The following ALMS1 variants were observed in gnomAD, a reference collection of about 807,000 sequenced individuals.
ALMS1 encodes centrosome-associated protein ALMS1.
ALMS1 carries 271 observed loss-of-function variants against 352.2 expected under a neutral mutation model. The observed-to-expected ratio is 0.77, with a 90% CI of 0.70 to 0.85. The LOEUF (loss-of-function observed/expected upper bound fraction) is 0.85. ALMS1 is among the 40% of genes least tolerant of loss of function. The pLI is 0.00. For synonymous variants in ALMS1, 1,865 were observed against 1,761.2 expected (o/e 1.06, Z -1.48); for missense variants, 5,445 against 4,870.7 (o/e 1.12, Z -3.51).
At chr2:73,460,418 G>T (rs1672164821) in intron 9 of ALMS1, among the ~76,000 whole-genome samples, 1 of 152,098 alleles carries the variant, frequency 6.6e-6, no homozygotes, top group African/African-American at 2.4e-5. Context: ...AATGATTTTA[G>T]ACAAAAACAG....
intron 11 of ALMS1, 35 bp downstream of exon 11, chr2:73,520,051 C>G (rs769163667): frequency 8.1e-6 from 13 of 1,613,418 alleles, no homozygotes. Flanking sequence ...GATTGTTAGA[C>G]CAGCTCTTTT....
Position 73,519,976 on chromosome 2 carries a change from A to G in ALMS1, c.9741A>G (p.Ser3247=), listed in dbSNP as rs370844317. The G allele has an allele frequency of 3.0e-4, 478 of 1,614,124 alleles. No homozygotes were observed. Among genetic ancestry groups the G allele is most frequent in the Non-Finnish European group, 3.8e-4 (453 of 1,179,964 alleles). Residue 3247 remains serine (S), a synonymous_variant, in exon 11 of 23, where the codon TCA becomes TCG. Transcript: ENST00000613296. ...LRKAPVKFAS[S]SSVQQVTFSR... ...AAGCTCCTGTCAAGTTTGCCTCATCATCTTCAGTCCAACAGGTTACTTTTT... is the reference window on the plus strand; with the variant it reads ...AAGCTCCTGTCAAGTTTGCCTCATCGTCTTCAGTCCAACAGGTTACTTTTT...
intron 1 of ALMS1, among the ~76,000 whole-genome samples, chr2:73,393,210 A>G (rs1456040928): frequency 6.6e-6 from 1 of 152,192 alleles, no homozygotes; most frequent in African/African-American, 2.4e-5. Flanking sequence ...CTTATCAATC[A>G]AGGGATTGAC....
chr2:73,491,132 A>G lies in ALMS1; in HGVS notation c.9173A>G (p.Lys3058Arg), dbSNP rs149329669. 23 of 1,614,004 alleles carry G rather than the reference A, an allele frequency of 1.4e-5. No individual in the cohort carries two copies. In the African/African-American group the frequency reaches 1.7e-4, roughly 12 times the overall value. Residue 3058 changes from lysine (K) to arginine (R), a missense_variant, in exon 10 of 23, where the codon AAG becomes AGG. Lys to Arg is a conservative substitution (Grantham distance 26). Coordinates refer to ENST00000613296, the MANE Select transcript of ALMS1 (RefSeq NM_001378454.1). ...ACTCTTTGTCCCAAGACTTCTTCCA[A>G]GTTGGATAGTGGAACTTTAGATGAA... ...HITLCPKTSS[K>R]LDSGTLDERF...
At chr2:73,591,054 C>A (rs529381504) in intron 16 of ALMS1, among the ~76,000 whole-genome samples, 1 of 152,202 alleles carries the variant, frequency 6.6e-6, no homozygotes, top group East Asian at 1.9e-4. Context: ...AACCAATCTT[C>A]CCACCTAAGC....
chr2:73,550,175 A>G (rs1308012006), intron 12 of ALMS1, 92 bp from the exon 13 acceptor site: 10 of 1,405,594 alleles, frequency 7.1e-6, no homozygotes, highest in African/African-American at 1.4e-5. Flanking sequence ...TGCTTTTTTC[A>G]TAGAATTGGT....
chr2:73,488,528 C>A (rs1261835610), intron 9 of ALMS1, among the ~76,000 whole-genome samples: 1 of 152,144 alleles, frequency 6.6e-6, no homozygotes, highest in Non-Finnish European at 1.5e-5. Context: ...CAGCTGTGCC[C>A]AGGAGGGTGG....
intron 4 of ALMS1, among the ~76,000 whole-genome samples, chr2:73,424,033 C>T (rs1463786057): frequency 6.6e-6 from 1 of 152,188 alleles, no homozygotes; most frequent in African/African-American, 2.4e-5. Flanking sequence ...CTGCCTCAGC[C>T]TCCCAGAGTG....
chr2:73,457,596 AG>A (rs1247766148), intron 9 of ALMS1, among the ~76,000 whole-genome samples: 1 of 152,138 alleles, frequency 6.6e-6, no homozygotes, highest in Non-Finnish European at 1.5e-5. Flanking sequence ...TCAGTGTTCA[AG>A]CCTATTGGAA....
At chr2:73,443,014 A>G (rs535738055) in intron 7 of ALMS1, among the ~76,000 whole-genome samples, 2 of 152,216 alleles carry the variant, frequency 1.3e-5, no homozygotes, top group East Asian at 3.9e-4. Context: ...TTTCACCCTC[A>G]TCCCTGCCCA....
At chr2:73,524,199 T>C (rs1381281144) in intron 11 of ALMS1, among the ~76,000 whole-genome samples, 1 of 152,242 alleles carries the variant, frequency 6.6e-6, no homozygotes, top group Non-Finnish European at 1.5e-5. Flanking sequence ...AAATTTATAC[T>C]CTAAAGTAAT....
At chr2:73,519,497 A>T (rs1017299742) in intron 10 of ALMS1, among the ~76,000 whole-genome samples, 3 of 152,158 alleles carry the variant, frequency 2.0e-5, no homozygotes, top group African/African-American at 7.2e-5. Flanking sequence ...TGTATTTTCA[A>T]TTCAGCTGAA....
At chr2:73,494,670 A>C (rs971681083) in intron 10 of ALMS1, among the ~76,000 whole-genome samples, 2 of 152,180 alleles carry the variant, frequency 1.3e-5, no homozygotes, top group Non-Finnish European at 2.9e-5. Context: ...TTGATGGTTC[A>C]AGGTTAGATT....
intron 16 of ALMS1, among the ~76,000 whole-genome samples, chr2:73,589,210 G>T (rs1310754631): frequency 8.4e-6 from 1 of 119,326 alleles, no homozygotes; most frequent in African/African-American, 4.8e-5. Flanking sequence ...AGGTAAGCCA[G>T]ATTGATAAAC....
At chr2:73,508,546 T>A (rs1673384935) in intron 10 of ALMS1, among the ~76,000 whole-genome samples, 1 of 152,166 alleles carries the variant, frequency 6.6e-6, no homozygotes, top group South Asian at 2.1e-4. Context: ...GATTGCACTG[T>A]AGTCTGAGGG....
chr2:73,608,643 C>T lies in ALMS1; in HGVS notation c.12462+69C>T, dbSNP rs1316869232. 8.7e-6 allele frequency: 11 copies of T among 1,258,338 alleles called. No homozygotes were observed. In the African/African-American group the frequency reaches 8.9e-5, roughly 10 times the overall value. 77.9% of individuals were successfully genotyped at this position (1,258,338 alleles called of 1,614,324 possible). A position where few individuals can be genotyped will look rare whatever the true frequency, so the allele number is the denominator to read the frequency against. On this transcript the variant is annotated intron_variant, in intron 22 of 22. Transcript: ENST00000613296. ...GGCGGAAAGAGAAATGGAGAAAACA[C>T]GTTGCCTGTTGAGTGTGAAGTCAGA...
intron 2 of ALMS1, among the ~76,000 whole-genome samples, chr2:73,414,426 A>G (rs921417745): frequency 2.2e-4 from 28 of 125,856 alleles, no homozygotes; most frequent in African/African-American, 7.2e-4. Context: ...TATATTAACT[A>G]TGCTTTGTTT....
chr2:73,582,396 A>G (rs1675204996), intron 16 of ALMS1, among the ~76,000 whole-genome samples: 1 of 152,202 alleles, frequency 6.6e-6, no homozygotes, highest in Admixed American at 6.5e-5. Context: ...CATACCAAAA[A>G]ATTCCCTTCT....
At position 73,385,946 on chromosome 2, in the gene ALMS1, G is replaced by GGAGGAGGAA; in HGVS notation, c.85_86insAAGAGGAGG (p.Glu26_Glu28dup). 8.8e-7 allele frequency: 1 copy of GGAGGAGGAA among 1,133,390 alleles called. No homozygotes were observed. The highest frequency in any genetic ancestry group is 1.4e-5 in the South Asian group (1 of 72,182). 70.2% of individuals were successfully genotyped at this position (1,133,390 alleles called of 1,614,324 possible). A position where few individuals can be genotyped will look rare whatever the true frequency, so the allele number is the denominator to read the frequency against. ...AGGAGGAGGAGGAGGAGGAGGAAGA[G>GGAGGAGGAA]GAGGAGGCTGCAGCGGCGGCGGCGG... On this transcript the variant is annotated inframe_insertion, in exon 1 of 23. Transcript: ENST00000613296.
Sources: gnomAD v4.1 joint callset for allele counts (sites outside exome capture counted in the v4.1 genomes callset) on GRCh38, gnomAD v4.1.1 for gene constraint, MANE v1.5 for transcripts, NCBI Gene and HGNC (gene_info 2026-07-23, HGNC 2026-07-21) for gene names.